Variants in CD36 observed in about 807,000 individuals in gnomAD.
The protein encoded by CD36 is CD36 molecule (CD36 blood group).
Under a neutral mutation model 55.2 loss-of-function variants are expected in CD36, and 119 were observed. The observed-to-expected ratio is 2.15, with a 90% CI of 1.86 to 2.51. The LOEUF is 2.51. Among genes scored for constraint, CD36 ranks in the 30% most tolerant of loss-of-function variants. The pLI is 0.00. For missense variants in CD36, 819 were observed against 555.5 expected (o/e 1.47, Z -4.77); for synonymous variants, 186 against 193.6 (o/e 0.96, Z 0.33).
At position 80,620,086 on chromosome 7, in the gene CD36, A is replaced by G. The variant is rs75759440; in HGVS notation, c.-184+17707A>G. Among the ~76,000 whole-genome samples, 1,323 of 152,192 alleles carry G rather than the reference A, an allele frequency of 8.7e-3. 39 individuals carry two copies. In the East Asian group the frequency reaches 0.097, roughly 11 times the overall value. On this transcript the variant is annotated intron_variant, in intron 1 of 13. Coordinates refer to the CD36 transcript ENST00000309881. The stretch of plus-strand genomic sequence containing the variant: ...TATGAACACTGTTGACATGATGTGT[A>G]GGGAAAAACTTTCTAAACCATGTTT...
intron 5 of CD36, among the ~76,000 whole-genome samples, chr7:80,661,658 A>G (rs1377750807): frequency 6.6e-6 from 1 of 152,152 alleles, no homozygotes; most frequent in Admixed American, 6.5e-5. Context: ...TAGCTGTACC[A>G]GTGGGCAATA....
Position 80,656,559 on chromosome 7 carries a change from G to T in CD36, c.140G>T (p.Gly47Val), listed in dbSNP as rs758768960. 22 of 1,613,450 alleles carry T rather than the reference G, an allele frequency of 1.4e-5. No individual in the cohort carries two copies. The African/African-American group carries it at 1.5e-4, about 11-fold the overall frequency. Residue 47 changes from glycine to valine, a missense_variant, in exon 4 of 15, where the codon GGT becomes GTT. Gly to Val is a moderately radical substitution (Grantham distance 109). Transcript: ENST00000447544. ...TCATAGCAAGTTGTCCTCGAAGAAGGTACAATTGCTTTTAAAAATTGGGTT... is the reference window on the plus strand; with the variant it reads ...TCATAGCAAGTTGTCCTCGAAGAAGTTACAATTGCTTTTAAAAATTGGGTT... ...TIKKQVVLEE[G>V]TIAFKNWVKT...
At chr7:80,669,849 C>A in intron 8 of CD36, 104 bp from the exon 9 acceptor site, 1 of 807,146 alleles carries the variant, frequency 1.2e-6, no homozygotes, top group Non-Finnish European at 2.2e-6. Flanking sequence ...ATTACTTAGG[C>A]AGTTTGCATT....
rs920682034 is a variant in CD36 at position 80,678,505 on chromosome 7, ATCATT to A, written c.*2126_*2130del. On this transcript the variant is annotated 3_prime_UTR_variant, in exon 15 of 15. Transcript: ENST00000447544. Reference sequence around the variant, plus strand: ...CTGACAGAAAAGGGTGAAGGAGGGTATCATTTCAAGAAAAAAAATAGCTATCACGC... The same window carrying A: ...CTGACAGAAAAGGGTGAAGGAGGGTATCAAGAAAAAAAATAGCTATCACGC... 6.6e-6 allele frequency: 1 copy of A among 152,294 alleles called. No homozygotes were observed. Among genetic ancestry groups the A allele is most frequent in the Admixed American group, 6.5e-5 (1 of 15,288 alleles). 9.4% of individuals were successfully genotyped at this position (152,294 alleles called of 1,614,324 possible). A position where few individuals can be genotyped will look rare whatever the true frequency, so the allele number is the denominator to read the frequency against.
intron 4 of CD36, among the ~76,000 whole-genome samples, chr7:80,658,080 C>T (rs1796231061): frequency 6.6e-6 from 1 of 152,172 alleles, no homozygotes; most frequent in African/African-American, 2.4e-5. Context: ...CCTGTCTTAG[C>T]AGTTTTACCC....
chr7:80,661,180 C>A lies in CD36; in HGVS notation c.399C>A (p.Asp133Glu), dbSNP rs778459168. ...CACTATCAGTTGGAACAGAGGCTGA[C>A]AACTTCACAGTTCTCAATCTGGCTG... is the stretch of plus-strand genomic sequence containing the variant. ...EPSLSVGTEA[D>E]NFTVLNLAVA... is the part of the protein sequence containing the mutation. The change falls in exon 5 of 15, where the codon GAC becomes GAA. Residue 133 changes from aspartate to glutamate, a missense_variant. Asp to Glu is a conservative substitution (Grantham distance 45, BLOSUM62 2). Transcript: ENST00000447544. 1 of 1,613,994 alleles carries A rather than the reference C, an allele frequency of 6.2e-7. No individual in the cohort carries two copies.
intron 7 of CD36, among the ~76,000 whole-genome samples, chr7:80,665,288 A>G (rs3211913): frequency 0.12 from 18,789 of 151,914 alleles, 2,803 homozygotes; most frequent in African/African-American, 0.35. Context: ...TAAATATCAG[A>G]GGAACAAGCT....
intron 1 of CD36, among the ~76,000 whole-genome samples, chr7:80,620,736 G>T (rs1256526001): frequency 2.0e-5 from 3 of 152,152 alleles, no homozygotes; most frequent in Non-Finnish European, 4.4e-5. Flanking sequence ...GAGGGCTAGA[G>T]GGAGATTCTG....
intron 1 of CD36, among the ~76,000 whole-genome samples, chr7:80,608,327 G>A (rs1273127545): frequency 6.6e-6 from 1 of 152,086 alleles, no homozygotes; most frequent in African/African-American, 2.4e-5. Context: ...ACTGGTTGAG[G>A]CATACTCTCT....
intron 1 of CD36, among the ~76,000 whole-genome samples, chr7:80,627,877 C>T (rs1341123166): frequency 6.6e-6 from 1 of 151,926 alleles, no homozygotes; most frequent in Non-Finnish European, 1.5e-5. Flanking sequence ...GTCATTCATT[C>T]TTGTATTATA....
At position 80,676,939 on chromosome 7, in the gene CD36, TATA is replaced by T. The variant is rs1294161493; in HGVS notation, c.*560_*562del. The T allele has an allele frequency of 6.6e-6, 1 of 152,166 alleles. No homozygotes were observed. The highest frequency in any genetic ancestry group is 6.6e-5 in the Admixed American group (1 of 15,266). The allele number at this position is 152,166 out of a possible 1,614,324, so 9.4% of individuals were successfully genotyped here. On this transcript the variant is annotated 3_prime_UTR_variant, in exon 15 of 15. Transcript: ENST00000447544. ...GCGTAGACTATGCATTGTTATTCATTATAATATTTTTTGCTGTCATAATCGCCT... is the reference window on the plus strand; with the variant it reads ...GCGTAGACTATGCATTGTTATTCATTATATTTTTTGCTGTCATAATCGCCT...
At chr7:80,648,438 A>C (rs912467233) in intron 3 of CD36, among the ~76,000 whole-genome samples, 1 of 152,094 alleles carries the variant, frequency 6.6e-6, no homozygotes, top group African/African-American at 2.4e-5. Flanking sequence ...TGATGATTTA[A>C]TTTTTTTCTT....
chr7:80,657,001 A>T (rs1459710713), intron 4 of CD36, among the ~76,000 whole-genome samples: 2 of 152,132 alleles, frequency 1.3e-5, no homozygotes, highest in Admixed American at 6.6e-5. Context: ...CCCTATGTTT[A>T]TGAAGTTAGT....
chr7:80,634,666 T>A (rs1345318215), upstream of CD36, among the ~76,000 whole-genome samples: 1 of 152,158 alleles, frequency 6.6e-6, no homozygotes, highest in Non-Finnish European at 1.5e-5. Flanking sequence ...TTCTCAAATA[T>A]GTTGCAATAT....
chr7:80,619,914 A>G (rs1048223793), intron 1 of CD36, among the ~76,000 whole-genome samples: 4 of 152,204 alleles, frequency 2.6e-5, no homozygotes, highest in Non-Finnish European at 4.4e-5. Context: ...CAAGAAAACT[A>G]GAATTAGAAG....
intron 1 of CD36, chr7:80,639,855 A>T (rs1794691907): frequency 6.6e-6 from 1 of 152,048 alleles, no homozygotes; most frequent in South Asian, 2.1e-4. Flanking sequence ...CTCATTAGTG[A>T]ACCAGAACAA....
intron 6 of CD36, 120 bp from the exon 7 acceptor site, chr7:80,664,286 C>A (rs1221508459): frequency 2.9e-6 from 2 of 682,438 alleles, no homozygotes; most frequent in Non-Finnish European, 5.4e-6. Context: ...AAATGTATTG[C>A]AGATGTATTT....
chr7:80,609,327 G>A (rs996291837), intron 1 of CD36, among the ~76,000 whole-genome samples: 1 of 152,060 alleles, frequency 6.6e-6, no homozygotes, highest in Admixed American at 6.6e-5. Context: ...CTGTATTTGG[G>A]GAAATGCTTG....
chr7:80,656,506 A>G (rs1469595807), intron 3 of CD36, 34 bp from the exon 4 acceptor site: 1 of 1,607,190 alleles, frequency 6.2e-7, no homozygotes. Flanking sequence ...ACTTACTACA[A>G]AGACATAACC....
Sources: gnomAD v4.1 joint callset for allele counts (sites outside exome capture counted in the v4.1 genomes callset) on GRCh38, gnomAD v4.1.1 for gene constraint, MANE v1.5 for transcripts, NCBI Gene and HGNC (gene_info 2026-07-23, HGNC 2026-07-21) for gene names.